Variants in SLC26A7 observed in about 807,000 individuals in gnomAD.
The protein encoded by SLC26A7 is anion exchange transporter.
SLC26A7 carries 59 observed loss-of-function variants against 82.5 expected under a neutral mutation model. The observed-to-expected ratio is 0.72, with a 90% confidence interval of 0.58 to 0.89. SLC26A7 has a LOEUF of 0.89. Ranked by LOEUF, SLC26A7 falls within the 40% of genes least tolerant of loss-of-function variation. The probability of loss-of-function intolerance (pLI) is 0.00; values close to 1 mark genes in which losing one functional copy is unlikely to be tolerated. For missense variants in SLC26A7, 820 were observed against 793.0 expected, an observed-to-expected ratio of 1.03 and a Z score of -0.41; for synonymous variants, 271 against 274.3, an observed-to-expected ratio of 0.99 and a Z score of 0.12.
intron 1 of SLC26A7, among the ~76,000 whole-genome samples, chr8:91,216,494 C>G (rs2130655546): frequency 6.6e-6 from 1 of 152,140 alleles, no homozygotes; most frequent in Non-Finnish European, 1.5e-5. Context: ...GTTCTTGGCT[C>G]TATTAATTGT....
chr8:91,395,282 TAGTA>T lies in SLC26A7; in HGVS notation c.*188_*191del. The stretch of plus-strand genomic sequence containing the variant: ...GCCAACTTTTTTTTCTCATTTTTGT[TAGTA>T]AGAAGATTCGCTTAGTTATTTTATG... On this transcript the variant is annotated 3_prime_UTR_variant, in exon 19 of 19. Transcript: ENST00000276609. 7.3e-7 allele frequency: 1 copy of T among 1,375,142 alleles called. No homozygotes were observed. Among genetic ancestry groups the T allele is most frequent in the Non-Finnish European group, 9.4e-7 (1 of 1,061,880 alleles). The allele number at this position is 1,375,142 out of a possible 1,614,324, so 85.2% of individuals were successfully genotyped here. A position where few individuals can be genotyped will look rare whatever the true frequency, so the allele number is the denominator to read the frequency against.
At chr8:91,242,204 C>T (rs1810484242) in intron 2 of SLC26A7, among the ~76,000 whole-genome samples, 1 of 152,036 alleles carries the variant, frequency 6.6e-6, no homozygotes, top group Non-Finnish European at 1.5e-5. Context: ...AATAGAAGTA[C>T]TATATTGAAA....
chr8:91,339,932 T>G (rs1012348400), intron 7 of SLC26A7, among the ~76,000 whole-genome samples: 1 of 152,098 alleles, frequency 6.6e-6, no homozygotes, highest in African/African-American at 2.4e-5. Flanking sequence ...AAAAACATAA[T>G]TAAGATAACG....
intron 2 of SLC26A7, among the ~76,000 whole-genome samples, chr8:91,256,814 A>G (rs1166144390): frequency 1.3e-5 from 2 of 152,146 alleles, no homozygotes; most frequent in Non-Finnish European, 2.9e-5. Context: ...ACCCAGAAAG[A>G]TTGATATTAT....
At chr8:91,329,557 T>C (rs1459838104) in intron 5 of SLC26A7, among the ~76,000 whole-genome samples, 1 of 152,174 alleles carries the variant, frequency 6.6e-6, no homozygotes, top group African/African-American at 2.4e-5. Context: ...TTTTTATTAC[T>C]GCAAACACAT....
At chr8:91,310,603 G>A (rs927687790) in intron 4 of SLC26A7, among the ~76,000 whole-genome samples, 7 of 152,138 alleles carry the variant, frequency 4.6e-5, no homozygotes, top group African/African-American at 1.7e-4. Context: ...TAAGCGAGTG[G>A]GCTCAAGAAC....
Position 91,393,986 on chromosome 8 carries a change from C to A in SLC26A7, c.1882C>A (p.Pro628Thr). The A allele has an allele frequency of 6.2e-7, 1 of 1,613,604 alleles. No individual in the cohort carries two copies. The highest frequency in any genetic ancestry group is 8.5e-7 in the Non-Finnish European group (1 of 1,179,658). ...TYYGNLDSEK[P>T]IFFESVSAAI... ...TTATGGAAACCTAGACTCAGAGAAA[C>A]CAATTTTTTTTGAATCGGTATCTGC... Residue 628 changes from proline to threonine, a missense_variant, in exon 18 of 19, where the codon CCA becomes ACA. Coordinates refer to ENST00000276609, the MANE Select transcript of SLC26A7 (RefSeq NM_052832.4).
intron 2 of SLC26A7, among the ~76,000 whole-genome samples, chr8:91,265,547 T>C (rs1228617351): frequency 2.0e-5 from 3 of 151,966 alleles, no homozygotes; most frequent in African/African-American, 7.2e-5. Flanking sequence ...TCACTAGCAT[T>C]TGTTATTGAT....
chr8:91,295,576 G>T lies in SLC26A7; in HGVS notation c.350G>T (p.Arg117Leu), dbSNP rs764933002. The change falls in exon 4 of 19, where the codon CGG becomes CTG. Residue 117 changes from arginine to leucine, a missense_variant. Transcript: ENST00000276609. ...TTAATATCAGCCAACGCCGTGGAAC[G>T]GATTGTCCCTCAGAACATGCAGAAT... ...TSLISANAVE[R>L]IVPQNMQNLT... 6.8e-6 allele frequency: 11 copies of T among 1,613,912 alleles called. No individual in the cohort carries two copies. The highest frequency in any genetic ancestry group is 9.3e-6 in the Non-Finnish European group (11 of 1,179,870).
At chr8:91,218,364 G>A (rs1351570301) in intron 1 of SLC26A7, among the ~76,000 whole-genome samples, 1 of 152,106 alleles carries the variant, frequency 6.6e-6, no homozygotes, top group African/African-American at 2.4e-5. Flanking sequence ...AAATTATTTT[G>A]AAGTACAAAA....
chr8:91,214,062 G>A (rs1378578205), intron 1 of SLC26A7, among the ~76,000 whole-genome samples: 5 of 152,152 alleles, frequency 3.3e-5, no homozygotes, highest in Admixed American at 2.6e-4. Context: ...TGGCAATAGT[G>A]TGCTGGCTTA....
At chr8:91,299,704 A>C (rs1335090352) in intron 4 of SLC26A7, among the ~76,000 whole-genome samples, 1 of 152,134 alleles carries the variant, frequency 6.6e-6, no homozygotes, top group Admixed American at 6.5e-5. Context: ...GAATGGTTTA[A>C]TGTAGGGTAG....
At chr8:91,279,121 G>A (rs557725612) in intron 2 of SLC26A7, among the ~76,000 whole-genome samples, 47 of 90,164 alleles carry the variant, frequency 5.2e-4, no homozygotes, top group African/African-American at 2.4e-3. Context: ...ATGTGTGTGT[G>A]TGTGTATATA....
Position 91,338,150 on chromosome 8 carries a change from A to C in SLC26A7, c.796A>C (p.Ile266Leu). The change falls in exon 7 of 19, where the codon ATT (isoleucine) becomes CTT (leucine). Residue 266 changes from isoleucine (I) to leucine (L), a missense_variant and splice_region_variant. Coordinates refer to ENST00000276609, the MANE Select transcript of SLC26A7 (RefSeq NM_052832.4). ...KVVLPVDLVLIIAASFACYCT... is the reference protein window; with the variant it reads ...KVVLPVDLVLLIAASFACYCT... ...TCTTTTTTCAAATGGAACCACACAG[A>C]TTATTGCTGCATCATTTGCTTGTTA... 6.2e-7 allele frequency: 1 copy of C among 1,607,788 alleles called. No homozygotes were observed. The highest frequency in any genetic ancestry group is 1.3e-5 in the African/African-American group (1 of 74,720).
chr8:91,392,016 G>T (rs1281658903), intron 16 of SLC26A7, among the ~76,000 whole-genome samples: 3 of 152,044 alleles, frequency 2.0e-5, no homozygotes, highest in East Asian at 1.9e-4. Flanking sequence ...AACAATCTTG[G>T]CACTGGACAT....
chr8:91,391,643 A>T (rs549285491), intron 16 of SLC26A7, among the ~76,000 whole-genome samples: 1 of 152,228 alleles, frequency 6.6e-6, no homozygotes, highest in South Asian at 2.1e-4. Flanking sequence ...CCTAAAGTCT[A>T]CAAGAGTCTC....
chr8:91,379,258 A>T (rs757421911), intron 15 of SLC26A7, among the ~76,000 whole-genome samples: 14 of 152,114 alleles, frequency 9.2e-5, no homozygotes, highest in Non-Finnish European at 1.6e-4. Flanking sequence ...TGATTTATAG[A>T]TTTATATTTA....
At chr8:91,260,574 C>T (rs1479225988) in intron 2 of SLC26A7, among the ~76,000 whole-genome samples, 1 of 152,096 alleles carries the variant, frequency 6.6e-6, no homozygotes, top group African/African-American at 2.4e-5. Context: ...GTATTTGGCA[C>T]AGTGTAAGTA....
At chr8:91,388,455 C>T (rs1814863589) in intron 15 of SLC26A7, among the ~76,000 whole-genome samples, 1 of 152,110 alleles carries the variant, frequency 6.6e-6, no homozygotes, top group African/African-American at 2.4e-5. Flanking sequence ...TTTTATGTAG[C>T]CACTATACAG....
Sources: allele counts gnomAD v4.1 joint callset (sites outside exome capture counted in the v4.1 genomes callset), GRCh38; gene constraint gnomAD v4.1.1; transcripts MANE v1.5; gene names NCBI Gene and HGNC (gene_info 2026-07-23, HGNC 2026-07-21).